NOX4: variants seen among roughly 807,000 people sequenced by gnomAD.
NOX4 encodes NADPH oxidase 4.
In NOX4, 69 loss-of-function variants were observed where a neutral mutation model predicts 87.6. That is an observed-to-expected ratio of 0.79 (90% CI 0.65 to 0.96). NOX4 has a LOEUF of 0.96. NOX4 is among the 40% of genes least tolerant of loss of function. The pLI is 0.00. For synonymous variants in NOX4, 275 were observed against 238.2 expected (o/e 1.15, Z -1.42); for missense variants, 680 against 681.5 (o/e 1.00, Z 0.02).
intron 2 of NOX4, among the ~76,000 whole-genome samples, chr11:89,473,637 C>T (rs968611438): frequency 1.3e-5 from 2 of 152,078 alleles, no homozygotes; most frequent in Non-Finnish European, 2.9e-5. Flanking sequence ...AACATATTGT[C>T]TATTTTACTC....
At chr11:89,516,102 A>G in the NOX4 span, among the ~76,000 whole-genome samples, 2 of 152,060 alleles carry the variant, frequency 1.3e-5, no homozygotes, top group South Asian at 4.1e-4. Flanking sequence ...TAATTTCTTT[A>G]GATCTGAGTT....
intron 2 of NOX4, among the ~76,000 whole-genome samples, chr11:89,459,481 T>C (rs932027800): frequency 3.9e-5 from 6 of 152,096 alleles, no homozygotes. Flanking sequence ...ACAAAATCAA[T>C]GTGTAAAAAT....
At chr11:89,424,510 T>C (rs1436035901) in intron 7 of NOX4, among the ~76,000 whole-genome samples, 1 of 151,322 alleles carries the variant, frequency 6.6e-6, no homozygotes, top group East Asian at 1.9e-4. Flanking sequence ...ATACTTTTGC[T>C]TTTTTCCTGA....
In NOX4 at chr11:89,407,635, G is replaced by T. The variant is rs191503502; in HGVS notation, c.630-5093C>A. On this transcript the variant is annotated intron_variant, in intron 8 of 17. Transcript: ENST00000263317. ...GGCATTATAATTATACTATCTTGGTGTTTTTGTTGTTTGTTTTGCTTTCTG... is the reference window on the plus strand; with the variant it reads ...GGCATTATAATTATACTATCTTGGTTTTTTTGTTGTTTGTTTTGCTTTCTG... Among the ~76,000 whole-genome samples the T allele has an allele frequency of 2.6e-3, 397 of 151,720 alleles. 1 individual carries two copies. Among genetic ancestry groups the T allele is most frequent in the African/African-American group, 9.1e-3 (378 of 41,448 alleles).
chr11:89,545,991 G>A, the NOX4 span, among the ~76,000 whole-genome samples: 1 of 151,970 alleles, frequency 6.6e-6, no homozygotes, highest in Non-Finnish European at 1.5e-5. Flanking sequence ...GTCTTCCTGT[G>A]GTAAATATTA....
chr11:89,402,480 C>T lies in NOX4; in HGVS notation c.692G>A (p.Arg231Gln), dbSNP rs749553467. The change falls in exon 9 of 18, where the codon CGA becomes CAA. Residue 231 changes from arginine to glutamine, a missense_variant. Coordinates refer to ENST00000263317, the MANE Select transcript of NOX4 (RefSeq NM_016931.5). ...TAAGGAAATATTCTGAGAGCTGGTTCGGTTAAGACTGATGCAGCCGGGAGG... is the reference window on the plus strand; with the variant it reads ...TAAGGAAATATTCTGAGAGCTGGTTTGGTTAAGACTGATGCAGCCGGGAGG... Reference protein sequence around the residue: ...THPPGCISLNRTSSQNISLPE... With the variant: ...THPPGCISLNQTSSQNISLPE... 15 of 1,611,146 alleles carry T rather than the reference C, an allele frequency of 9.3e-6. No individual in the cohort carries two copies. Among genetic ancestry groups the T allele is most frequent in the African/African-American group, 6.7e-5 (5 of 74,660 alleles).
intron 8 of NOX4, among the ~76,000 whole-genome samples, chr11:89,403,850 A>C (rs2135193655): frequency 6.6e-6 from 1 of 152,330 alleles, no homozygotes. Context: ...GAAAGCAATG[A>C]CCAGGCCAGT....
intron 2 of NOX4, among the ~76,000 whole-genome samples, chr11:89,457,351 C>T (rs955005731): frequency 6.6e-6 from 1 of 152,198 alleles, no homozygotes; most frequent in African/African-American, 2.4e-5. Context: ...CACCGCCCTG[C>T]ACCAGCCACA....
chr11:89,466,548 C>T (rs374261104), intron 2 of NOX4, among the ~76,000 whole-genome samples: 192 of 152,258 alleles, frequency 1.3e-3, no homozygotes, highest in South Asian at 9.5e-3. Context: ...AAAGTAAGTG[C>T]TATCTGTTCC....
intron 11 of NOX4, among the ~76,000 whole-genome samples, chr11:89,385,757 T>C (rs1429485497): frequency 6.6e-6 from 1 of 152,150 alleles, no homozygotes; most frequent in Non-Finnish European, 1.5e-5. Context: ...CAAATTGACT[T>C]TACTCACATG....
At chr11:89,546,422 CTG>C in the NOX4 span, among the ~76,000 whole-genome samples, 1 of 152,136 alleles carries the variant, frequency 6.6e-6, no homozygotes, top group Non-Finnish European at 1.5e-5. Context: ...TGTTTAAAAG[CTG>C]TCTTTGACTT....
chr11:89,502,478 C>G (rs1947033058), upstream of NOX4, among the ~76,000 whole-genome samples: 1 of 152,024 alleles, frequency 6.6e-6, no homozygotes, highest in Non-Finnish European at 1.5e-5. Context: ...TAAGACTATG[C>G]TCTAGGAGAT....
intron 11 of NOX4, among the ~76,000 whole-genome samples, chr11:89,387,757 C>T (rs141403810): frequency 6.6e-6 from 1 of 152,140 alleles, no homozygotes; most frequent in Non-Finnish European, 1.5e-5. Flanking sequence ...GTTTCTTGCT[C>T]TCTTACGTTA....
At chr11:89,524,497 T>C in the NOX4 span, among the ~76,000 whole-genome samples, 1 of 152,086 alleles carries the variant, frequency 6.6e-6, no homozygotes, top group African/African-American at 2.4e-5. Context: ...TAATTTTCTC[T>C]GGCTTTCAAA....
intron 2 of NOX4, among the ~76,000 whole-genome samples, chr11:89,461,329 A>C (rs553576595): frequency 5.3e-5 from 8 of 151,950 alleles, no homozygotes; most frequent in Non-Finnish European, 8.8e-5. Context: ...AATATGAAAC[A>C]AAAAAATAAA....
At chr11:89,376,855 C>T (rs1405377146) in intron 11 of NOX4, among the ~76,000 whole-genome samples, 1 of 152,018 alleles carries the variant, frequency 6.6e-6, no homozygotes, top group Admixed American at 6.6e-5. Flanking sequence ...GCACTCCAGC[C>T]TGGGTGACAG....
At chr11:89,390,969 T>G (rs546648668) in intron 11 of NOX4, among the ~76,000 whole-genome samples, 1 of 152,132 alleles carries the variant, frequency 6.6e-6, no homozygotes, top group Non-Finnish European at 1.5e-5. Flanking sequence ...CATTTCCTTT[T>G]CTGTAGTTGC....
chr11:89,330,632 A>G (rs1406496097), intron 17 of NOX4, among the ~76,000 whole-genome samples: 1 of 151,418 alleles, frequency 6.6e-6, no homozygotes, highest in Non-Finnish European at 1.5e-5. Flanking sequence ...TAAAAAGAAA[A>G]AAAAAAAAAA....
rs1168090408 is a variant in NOX4, at chr11:89,460,042, C to G, written c.154-8147G>C. Among the ~76,000 whole-genome samples the G allele has an allele frequency of 3.3e-5, 5 of 151,964 alleles. No individual in the cohort carries two copies. The East Asian group carries it at 5.8e-4, about 18-fold the overall frequency. On this transcript the variant is annotated intron_variant, in intron 2 of 17. Coordinates refer to ENST00000263317, the MANE Select transcript of NOX4 (RefSeq NM_016931.5). Reference sequence around the variant, plus strand: ...ACCATCTGATCTTTGACAAACCTGACAAAAACAAGAAATGGGGAAAGGATT... The same window carrying G: ...ACCATCTGATCTTTGACAAACCTGAGAAAAACAAGAAATGGGGAAAGGATT...
Sources: allele counts gnomAD v4.1 joint callset (sites outside exome capture counted in the v4.1 genomes callset), GRCh38; gene constraint gnomAD v4.1.1; transcripts MANE v1.5; gene names NCBI Gene and HGNC (gene_info 2026-07-23, HGNC 2026-07-21).